The following SLC7A1 variants were observed in gnomAD, a reference collection of about 807,000 sequenced individuals.
SLC7A1 encodes solute carrier family 7 member 1, also known as high affinity cationic amino acid transporter 1.
A neutral mutation model predicts 53.9 loss-of-function variants in SLC7A1; 10 were observed. The ratio of observed to expected loss-of-function variants is 0.19; its 90% confidence interval spans 0.11 to 0.31. The LOEUF (loss-of-function observed/expected upper bound fraction) is 0.31. Among genes scored for constraint, SLC7A1 ranks in the 10% least tolerant of loss-of-function variants. The probability of loss-of-function intolerance (pLI) is 1.00; values close to 1 mark genes in which losing one functional copy is unlikely to be tolerated. For synonymous variants in SLC7A1, 342 were observed against 338.7 expected (o/e 1.01, Z -0.11); for missense variants, 525 against 827.2 (o/e 0.63, Z 4.48).
intron 1 of SLC7A1, among the ~76,000 whole-genome samples, chr13:29,588,313 G>C (rs970490450): frequency 2.0e-5 from 3 of 152,146 alleles, no homozygotes; most frequent in African/African-American, 7.2e-5. Flanking sequence ...CTGAAGTATA[G>C]AGGGCAAATA....
intron 2 of SLC7A1, among the ~76,000 whole-genome samples, chr13:29,540,419 A>G (rs1426325967): frequency 6.6e-6 from 1 of 152,232 alleles, no homozygotes; most frequent in Non-Finnish European, 1.5e-5. Context: ...TCTGCATTCT[A>G]TTCTAGTAAC....
At chr13:29,569,157 C>T (rs1440558383) in intron 1 of SLC7A1, among the ~76,000 whole-genome samples, 1 of 152,184 alleles carries the variant, frequency 6.6e-6, no homozygotes, top group Non-Finnish European at 1.5e-5. Flanking sequence ...CACTCCCTGC[C>T]TTCCCCACTA....
At chr13:29,584,109 CT>C (rs1418868464) in intron 1 of SLC7A1, among the ~76,000 whole-genome samples, 4 of 109,274 alleles carry the variant, frequency 3.7e-5, no homozygotes, top group Admixed American at 8.8e-5. Context: ...ATATTTGTAA[CT>C]TTTTTTTTCT....
intron 2 of SLC7A1, among the ~76,000 whole-genome samples, chr13:29,548,027 A>T (rs1869998982): frequency 1.3e-5 from 2 of 152,188 alleles, no homozygotes; most frequent in African/African-American, 4.8e-5. Context: ...GAAACTGTCA[A>T]TATTCAGCCA....
rs1351739393 is a variant in SLC7A1, at chr13:29,523,283, G to A, written c.1032C>T (p.Leu344=). The change falls in exon 7 of 13, where the codon CTC becomes CTT. Residue 344 remains leucine, a synonymous_variant. Transcript: ENST00000380752. Reference sequence around the variant, plus strand: ...CCTCTCACCTGGCGGAAAGAGCGCAGAGGGAGCCCACGGCCACTGCGTACT... The same window carrying A: ...CCTCTCACCTGGCGGAAAGAGCGCAAAGGGAGCCCACGGCCACTGCGTACT... The part of the protein sequence containing the change: ...GAKYAVAVGS[L]CALSASLLGS... 1.9e-6 allele frequency: 3 copies of A among 1,613,306 alleles called. No homozygotes were observed. The highest frequency in any genetic ancestry group is 2.5e-6 in the Non-Finnish European group (3 of 1,179,974).
intron 1 of SLC7A1, among the ~76,000 whole-genome samples, chr13:29,594,890 C>T (rs918209042): frequency 2.0e-5 from 3 of 152,168 alleles, no homozygotes; most frequent in African/African-American, 7.2e-5. Flanking sequence ...CGCGGGACCA[C>T]CCTCCGGGCG....
intron 11 of SLC7A1, 197 bp downstream of exon 11, chr13:29,516,947 G>A (rs113405643): frequency 1.2e-5 from 6 of 501,442 alleles, no homozygotes; most frequent in African/African-American, 5.9e-5. Flanking sequence ...ACGTCCAGGG[G>A]AGAAGGGCTG....
At chr13:29,551,449 A>C (rs1870181945) in intron 2 of SLC7A1, among the ~76,000 whole-genome samples, 1 of 152,214 alleles carries the variant, frequency 6.6e-6, no homozygotes, top group Admixed American at 6.5e-5. Context: ...GGCGGTGCCC[A>C]GTAAGCCATA....
intron 5 of SLC7A1, among the ~76,000 whole-genome samples, chr13:29,528,742 C>T (rs756992612): frequency 6.6e-6 from 1 of 152,216 alleles, no homozygotes. Context: ...TCCCTGTGGT[C>T]AGGGGGCTGG....
chr13:29,520,071 T>C (rs1036646414), intron 8 of SLC7A1, among the ~76,000 whole-genome samples: 5 of 151,980 alleles, frequency 3.3e-5, no homozygotes, highest in Non-Finnish European at 7.4e-5. Context: ...CCACTCACCA[T>C]CCATCCATCA....
chr13:29,586,331 T>C (rs2139190525), intron 1 of SLC7A1, among the ~76,000 whole-genome samples: 1 of 152,382 alleles, frequency 6.6e-6, no homozygotes, highest in Middle Eastern at 3.4e-3. Flanking sequence ...TTACTAATTA[T>C]AAGAATAGTC....
intron 2 of SLC7A1, among the ~76,000 whole-genome samples, chr13:29,539,714 G>C (rs1051136783): frequency 6.6e-6 from 1 of 152,112 alleles, no homozygotes; most frequent in Non-Finnish European, 1.5e-5. Context: ...TCAGTGGGGT[G>C]GGGTGGGGAC....
intron 1 of SLC7A1, among the ~76,000 whole-genome samples, chr13:29,564,704 A>G (rs1407271801): frequency 2.0e-5 from 3 of 152,208 alleles, no homozygotes; most frequent in Non-Finnish European, 2.9e-5. Flanking sequence ...TCCCTGCTCA[A>G]CCATGGACTA....
At chr13:29,539,795 G>C (rs1013293298) in intron 2 of SLC7A1, among the ~76,000 whole-genome samples, 1 of 152,134 alleles carries the variant, frequency 6.6e-6, no homozygotes, top group Non-Finnish European at 1.5e-5. Flanking sequence ...TCTAGGGAGA[G>C]GGCAAACTGA....
chr13:29,544,517 A>G (rs1053095475), intron 2 of SLC7A1, among the ~76,000 whole-genome samples: 1 of 152,190 alleles, frequency 6.6e-6, no homozygotes, highest in Non-Finnish European at 1.5e-5. Flanking sequence ...TCTAGAGACA[A>G]GGAGACGCAG....
intron 1 of SLC7A1, among the ~76,000 whole-genome samples, chr13:29,584,796 G>C (rs1871811119): frequency 6.6e-6 from 1 of 152,074 alleles, no homozygotes; most frequent in Non-Finnish European, 1.5e-5. Context: ...CTATTTAATG[G>C]TATGGCTGCT....
intron 1 of SLC7A1, among the ~76,000 whole-genome samples, chr13:29,583,580 G>C (rs559590223): frequency 6.6e-6 from 1 of 152,186 alleles, no homozygotes; most frequent in Non-Finnish European, 1.5e-5. Flanking sequence ...GCAACCAGGA[G>C]CCGCAGGAAA....
In SLC7A1 at chr13:29,517,305, G is replaced by T; in HGVS notation, c.1516C>A (p.Leu506Ile). 6.2e-7 allele frequency: 1 copy of T among 1,609,746 alleles called. No individual in the cohort carries two copies. Among genetic ancestry groups the T allele is most frequent in the East Asian group, 2.2e-5 (1 of 44,840 alleles). The change falls in exon 11 of 13, where the codon CTC becomes ATC. Residue 506 changes from leucine (L) to isoleucine (I), a missense_variant. Transcript: ENST00000380752. ...GTCACAATGCAGAAGGTGATGATGA[G>T]AACAGCTAAGGGGGAAGGAAAAGAC... ...VNISTSLIAV[L>I]IITFCIVTVL...
chr13:29,565,410 C>G (rs1301848421), intron 1 of SLC7A1, among the ~76,000 whole-genome samples: 1 of 152,210 alleles, frequency 6.6e-6, no homozygotes, highest in Non-Finnish European at 1.5e-5. Context: ...GTTCCCAGAA[C>G]AGGGCCTGGA....
Sources: gnomAD v4.1 joint callset for allele counts (sites outside exome capture counted in the v4.1 genomes callset) on GRCh38, gnomAD v4.1.1 for gene constraint, MANE v1.5 for transcripts, NCBI Gene and HGNC (gene_info 2026-07-23, HGNC 2026-07-21) for gene names.